Variants in COL28A1 observed in about 807,000 individuals in gnomAD.
The protein encoded by COL28A1 is collagen type XXVIII alpha 1 chain.
COL28A1 carries 161 observed loss-of-function variants against 150.2 expected under a neutral mutation model. That is an observed-to-expected ratio of 1.07 (90% CI 0.94 to 1.22). COL28A1 has a LOEUF of 1.22. Ranked by LOEUF, COL28A1 falls within the 50% of genes most tolerant of loss-of-function variation. The probability of loss-of-function intolerance (pLI) is 0.00; values close to 1 mark genes in which losing one functional copy is unlikely to be tolerated. For missense variants in COL28A1, 1,617 were observed against 1,388.3 expected, an observed-to-expected ratio of 1.16 and a Z score of -2.62; for synonymous variants, 552 against 469.7, an observed-to-expected ratio of 1.18 and a Z score of -2.26.
intron 21 of COL28A1, 73 bp downstream of exon 21, chr7:7,440,717 A>C: frequency 1.6e-6 from 1 of 633,508 alleles, no homozygotes; most frequent in Non-Finnish European, 2.8e-6. Flanking sequence ...TTTTCAGTGG[A>C]AATTTAATAC....
At chr7:7,495,643 C>T (rs924038809) in intron 11 of COL28A1, among the ~76,000 whole-genome samples, 4 of 152,140 alleles carry the variant, frequency 2.6e-5, no homozygotes, top group Admixed American at 6.5e-5. Flanking sequence ...ATATGCAACG[C>T]ATCCCAACAC....
At position 7,444,343 on chromosome 7, in the gene COL28A1, C is replaced by T. The variant is rs563086201; in HGVS notation, c.1581+75G>A. On this transcript the variant is annotated intron_variant, in intron 19 of 34. Coordinates refer to ENST00000399429, the MANE Select transcript of COL28A1 (RefSeq NM_001037763.3). ...TAAGTTTGTCCTGAATGGTTTTATTCGAGCTCCTGCAGGACCAAGATATCA... is the reference window on the plus strand; with the variant it reads ...TAAGTTTGTCCTGAATGGTTTTATTTGAGCTCCTGCAGGACCAAGATATCA... The T allele has an allele frequency of 5.0e-6, 8 of 1,588,554 alleles. No individual in the cohort carries two copies. The African/African-American group carries it at 5.4e-5, about 11-fold the overall frequency.
At chr7:7,347,645 G>A in the COL28A1 span, among the ~76,000 whole-genome samples, 2 of 152,024 alleles carry the variant, frequency 1.3e-5, no homozygotes, top group Admixed American at 1.3e-4. Flanking sequence ...GCCATTTCTG[G>A]GGCAAAGATG....
intron 15 of COL28A1, among the ~76,000 whole-genome samples, chr7:7,468,013 C>A (rs1422984079): frequency 2.8e-4 from 18 of 65,234 alleles, no homozygotes; most frequent in African/African-American, 1.2e-3. Context: ...CAGGAAAGAT[C>A]CAAAATTGAC....
At chr7:7,385,689 G>C (rs953367628) in intron 27 of COL28A1, among the ~76,000 whole-genome samples, 1 of 152,130 alleles carries the variant, frequency 6.6e-6, no homozygotes, top group Non-Finnish European at 1.5e-5. Context: ...AAAAACATTA[G>C]AGTAGCAAAT....
At chr7:7,377,825 C>G (rs777516204) in intron 30 of COL28A1, among the ~76,000 whole-genome samples, 2 of 117,850 alleles carry the variant, frequency 1.7e-5, no homozygotes, top group Non-Finnish European at 1.9e-5. Flanking sequence ...AAAAAAAAAC[C>G]AGACATCAGA....
intron 33 of COL28A1, among the ~76,000 whole-genome samples, chr7:7,362,357 G>A (rs78247430): frequency 6.1e-5 from 7 of 115,404 alleles, no homozygotes; most frequent in African/African-American, 2.2e-4. Flanking sequence ...TCTCTTATTT[G>A]TTTGTTTGCA....
In COL28A1 at chr7:7,475,941, A is replaced by T. The variant is rs17519423; in HGVS notation, c.1233+1171T>A. On this transcript the variant is annotated intron_variant, in intron 14 of 34. Coordinates refer to ENST00000399429, the MANE Select transcript of COL28A1 (RefSeq NM_001037763.3). ...TTCATTAACAAGGGCGTCTTTTAAA[A>T]TTTAACCCAGCAGTCACTCAAAACT... is the stretch of plus-strand genomic sequence containing the variant. Among the ~76,000 whole-genome samples, 709 of 152,336 alleles carry T rather than the reference A, an allele frequency of 4.7e-3. 5 individuals carry two copies. Among genetic ancestry groups the T allele is most frequent in the East Asian group, 0.022 (115 of 5,192 alleles).
At chr7:7,407,207 G>T (rs1037365273) in intron 27 of COL28A1, among the ~76,000 whole-genome samples, 18 of 151,978 alleles carry the variant, frequency 1.2e-4, no homozygotes, top group Non-Finnish European at 1.6e-4. Flanking sequence ...GAACTAAAAC[G>T]TTTAACTAAT....
At chr7:7,519,494 T>C (rs916819023) in intron 6 of COL28A1, among the ~76,000 whole-genome samples, 1 of 152,320 alleles carries the variant, frequency 6.6e-6, no homozygotes. Flanking sequence ...TACTTTTCTC[T>C]TTGTGATTAC....
rs759938334 is a variant in COL28A1, at chr7:7,506,043, G to C, written c.997C>G (p.Pro333Ala). Residue 333 changes from proline (P) to alanine (A), a missense_variant, in exon 11 of 35, where the codon CCA (proline) becomes GCA (alanine). Pro to Ala is a conservative substitution (Grantham distance 27, BLOSUM62 -1). Coordinates refer to ENST00000399429, the MANE Select transcript of COL28A1 (RefSeq NM_001037763.3). Reference protein sequence around the residue: ...IQGITGPPGDPGPKGFQGNKG... With the variant: ...IQGITGPPGDAGPKGFQGNKG... ...TTGCCTTGAAACCCCTTTGGGCCTG[G>C]GTCTCCTGGAGGTCCAGTAATTCCC... 3.4e-6 allele frequency: 5 copies of C among 1,479,192 alleles called. No homozygotes were observed. The highest frequency in any genetic ancestry group is 4.7e-6 in the Non-Finnish European group (5 of 1,056,986). The allele number at this position is 1,479,192 out of a possible 1,614,324, so 91.6% of individuals were successfully genotyped here.
chr7:7,358,528 T>C lies in COL28A1; in HGVS notation c.*105A>G. The C allele has an allele frequency of 1.9e-6, 2 of 1,040,856 alleles. No homozygotes were observed. The highest frequency in any genetic ancestry group is 2.9e-6 in the Non-Finnish European group (2 of 700,284). 64.5% of individuals were successfully genotyped at this position (1,040,856 alleles called of 1,614,324 possible). A position where few individuals can be genotyped will look rare whatever the true frequency, so the allele number is the denominator to read the frequency against. ...AGAATTCAATTACATGTATAAGTTG[T>C]AAATACTCAGTATACACTCAAATAT... On this transcript the variant is annotated 3_prime_UTR_variant, in exon 35 of 35. Coordinates refer to ENST00000399429, the MANE Select transcript of COL28A1 (RefSeq NM_001037763.3).
chr7:7,377,232 T>A (rs1017633285), intron 30 of COL28A1, among the ~76,000 whole-genome samples: 2 of 152,220 alleles, frequency 1.3e-5, no homozygotes, highest in Non-Finnish European at 2.9e-5. Flanking sequence ...GAAGTTACCA[T>A]ATATGTAAAT....
At chr7:7,464,686 C>T (rs1056001535) in intron 15 of COL28A1, among the ~76,000 whole-genome samples, 6 of 152,160 alleles carry the variant, frequency 3.9e-5, no homozygotes, top group African/African-American at 1.4e-4. Flanking sequence ...AAGTTCATAG[C>T]CCTAAACACC....
At chr7:7,538,704 G>C (rs192529330), upstream of COL28A1, among the ~76,000 whole-genome samples, 241 of 152,122 alleles carry the variant, frequency 1.6e-3, 2 homozygotes, top group African/African-American at 5.5e-3. Flanking sequence ...ACATATTTCA[G>C]AGAATTGTAT....
At chr7:7,409,131 A>G (rs546882708) in intron 27 of COL28A1, among the ~76,000 whole-genome samples, 1 of 152,268 alleles carries the variant, frequency 6.6e-6, no homozygotes, top group East Asian at 1.9e-4. Context: ...CCAAAGCTCT[A>G]AGTACTAAAA....
chr7:7,449,098 T>G (rs900323700), intron 18 of COL28A1, among the ~76,000 whole-genome samples: 1 of 152,134 alleles, frequency 6.6e-6, no homozygotes, highest in African/African-American at 2.4e-5. Flanking sequence ...TTGTATACTT[T>G]AAACATGTGC....
chr7:7,449,989 G>A (rs569413727), intron 18 of COL28A1, among the ~76,000 whole-genome samples: 2 of 152,032 alleles, frequency 1.3e-5, no homozygotes, highest in African/African-American at 4.8e-5. Flanking sequence ...CAAGAAAGAA[G>A]ATGAGAGTAT....
Position 7,375,455 on chromosome 7 carries a change from T to C in COL28A1, c.2359+6A>G. The C allele has an allele frequency of 1.9e-6, 3 of 1,575,760 alleles. No individual in the cohort carries two copies. Among genetic ancestry groups the C allele is most frequent in the South Asian group, 1.1e-5 (1 of 87,522 alleles). ...AAGTGATGTTTTTTCCTTGATCAAA[T>C]CTTACCACATATTTCTGTAATAAGT... On this transcript the variant is annotated splice_donor_region_variant and intron_variant, in intron 31 of 34. Coordinates refer to ENST00000399429, the MANE Select transcript of COL28A1 (RefSeq NM_001037763.3).
Sources: gnomAD v4.1 joint callset for allele counts (sites outside exome capture counted in the v4.1 genomes callset) on GRCh38, gnomAD v4.1.1 for gene constraint, MANE v1.5 for transcripts, NCBI Gene and HGNC (gene_info 2026-07-23, HGNC 2026-07-21) for gene names.